CAST: variants seen among roughly 807,000 people sequenced by gnomAD.
The protein encoded by CAST is MIR583 host.
In CAST, 76 loss-of-function variants were observed where a neutral mutation model predicts 119.6. The observed-to-expected ratio is 0.64, with a 90% CI of 0.53 to 0.77. The LOEUF (loss-of-function observed/expected upper bound fraction) is 0.77. Ranked by LOEUF, CAST falls within the 30% of genes least tolerant of loss-of-function variation. CAST has a pLI of 0.00. For synonymous variants in CAST, 319 were observed against 331.6 expected, an observed-to-expected ratio of 0.96 and a Z score of 0.41; for missense variants, 953 against 946.5, an observed-to-expected ratio of 1.01 and a Z score of -0.09.
chr5:96,274,496 TA>T, the CAST span, among the ~76,000 whole-genome samples: 1 of 152,202 alleles, frequency 6.6e-6, no homozygotes, highest in African/African-American at 2.4e-5. Context: ...CTCCTTATTC[TA>T]AGAGCATCAT....
At chr5:96,505,485 A>T in the CAST span, among the ~76,000 whole-genome samples, 1 of 152,204 alleles carries the variant, frequency 6.6e-6, no homozygotes, top group South Asian at 2.1e-4. Context: ...TCTCAAAAAA[A>T]ATAATAAAAA....
chr5:96,348,262 A>G, the CAST span, among the ~76,000 whole-genome samples: 1 of 152,114 alleles, frequency 6.6e-6, no homozygotes, highest in African/African-American at 2.4e-5. Context: ...GGGAAGAAAT[A>G]GGATGATGGA....
At chr5:96,270,964 A>G in the CAST span, among the ~76,000 whole-genome samples, 1 of 152,132 alleles carries the variant, frequency 6.6e-6, no homozygotes, top group East Asian at 1.9e-4. Flanking sequence ...ACACACAAAA[A>G]GCAGTAACAT....
the CAST span, among the ~76,000 whole-genome samples, chr5:96,042,802 A>G: frequency 1.3e-5 from 2 of 152,186 alleles, no homozygotes; most frequent in Non-Finnish European, 2.9e-5. Context: ...TATTCTTAAA[A>G]AATAAAATAA....
At chr5:96,569,772 A>G (rs1746540314) in intron 1 of CAST, among the ~76,000 whole-genome samples, 1 of 152,244 alleles carries the variant, frequency 6.6e-6, no homozygotes, top group Non-Finnish European at 1.5e-5. Flanking sequence ...TATGGTGCCT[A>G]GAAAAGCACT....
At chr5:96,468,704 T>G in the CAST span, among the ~76,000 whole-genome samples, 5 of 152,106 alleles carry the variant, frequency 3.3e-5, no homozygotes, top group Non-Finnish European at 7.4e-5. Context: ...TTGAGGCAGA[T>G]CATAAAGAAA....
At chr5:96,090,303 C>A in the CAST span, among the ~76,000 whole-genome samples, 5 of 152,090 alleles carry the variant, frequency 3.3e-5, no homozygotes, top group African/African-American at 1.2e-4. Context: ...CTAAGTTAAA[C>A]AACAAAAAGA....
At chr5:96,715,233 C>T (rs1756992234) in intron 3 of CAST, 1 of 152,134 alleles carries the variant, frequency 6.6e-6, no homozygotes, top group African/African-American at 2.4e-5. Context: ...TCCCAATTCT[C>T]TAAATTTTTG....
chr5:96,481,876 A>C, the CAST span, among the ~76,000 whole-genome samples: 1 of 152,212 alleles, frequency 6.6e-6, no homozygotes, highest in African/African-American at 2.4e-5. Context: ...TTATACCAAT[A>C]AAAAGTAATA....
chr5:96,064,467 A>C, the CAST span, among the ~76,000 whole-genome samples: 49,450 of 152,012 alleles, frequency 0.33, 9,455 homozygotes, highest in Non-Finnish European at 0.42. Flanking sequence ...TGATAGGCAA[A>C]AGTATGTAAT....
the CAST span, among the ~76,000 whole-genome samples, chr5:96,184,760 G>A: frequency 6.6e-6 from 1 of 152,108 alleles, no homozygotes; most frequent in African/African-American, 2.4e-5. Context: ...TATCATTAAT[G>A]GACATTTAGG....
rs957067571 is a variant in CAST, at chr5:96,722,594, A to G, written c.211-45A>G. 7 of 1,392,104 alleles carry G rather than the reference A, an allele frequency of 5.0e-6. No individual in the cohort carries two copies. The Admixed American group carries it at 1.2e-4, about 23-fold the overall frequency. 86.2% of individuals were successfully genotyped at this position (1,392,104 alleles called of 1,614,324 possible). On this transcript the variant is annotated intron_variant, in intron 3 of 31. Coordinates refer to ENST00000675179, the MANE Select transcript of CAST (RefSeq NM_001750.7). ...GGAGCTGAAGGACCATGTAGATTGT[A>G]GGTTAAATAGAATCGAACTTTCTAT...
chr5:96,383,604 C>A, the CAST span, among the ~76,000 whole-genome samples: 5 of 152,158 alleles, frequency 3.3e-5, no homozygotes, highest in Non-Finnish European at 7.3e-5. Context: ...GGCCACCACG[C>A]CCAGCTAATT....
the CAST span, among the ~76,000 whole-genome samples, chr5:96,382,571 G>A: frequency 6.6e-6 from 1 of 152,174 alleles, no homozygotes; most frequent in African/African-American, 2.4e-5. Context: ...CAGGCATTGT[G>A]CTAGGATGAG....
intron 1 of CAST, among the ~76,000 whole-genome samples, chr5:96,580,846 C>T (rs1308915243): frequency 6.6e-6 from 1 of 152,142 alleles, no homozygotes; most frequent in Non-Finnish European, 1.5e-5. Flanking sequence ...AATCCTAGAC[C>T]CTAAGGTGAT....
the CAST span, among the ~76,000 whole-genome samples, chr5:96,181,317 G>A: frequency 1.6e-4 from 25 of 152,246 alleles, no homozygotes; most frequent in African/African-American, 4.1e-4. Context: ...CTTCCTTCCC[G>A]GGGTGTGGTC....
At chr5:96,122,698 GA>G in the CAST span, among the ~76,000 whole-genome samples, 2 of 151,592 alleles carry the variant, frequency 1.3e-5, no homozygotes, top group Non-Finnish European at 2.9e-5. Flanking sequence ...TCTAAAAACT[GA>G]AAGCAAGAGT....
the CAST span, among the ~76,000 whole-genome samples, chr5:96,347,131 T>C: frequency 6.6e-6 from 1 of 152,080 alleles, no homozygotes; most frequent in Admixed American, 6.6e-5. Context: ...GTGACTATTC[T>C]TTGAGGAGGC....
chr5:96,251,807 G>GAA, the CAST span, among the ~76,000 whole-genome samples: 1 of 152,094 alleles, frequency 6.6e-6, no homozygotes, highest in African/African-American at 2.4e-5. Flanking sequence ...TCCTAGAGAA[G>GAA]AAACTCTAGT....
Sources: allele counts gnomAD v4.1 joint callset (sites outside exome capture counted in the v4.1 genomes callset), GRCh38; gene constraint gnomAD v4.1.1; transcripts MANE v1.5; gene names NCBI Gene and HGNC (gene_info 2026-07-23, HGNC 2026-07-21).